NAV2: variants seen among roughly 807,000 people sequenced by gnomAD.
NAV2 encodes the protein neuron navigator 2.
Under a neutral mutation model 223.2 loss-of-function variants are expected in NAV2, and 54 were observed. The observed-to-expected ratio is 0.24, with a 90% CI of 0.19 to 0.30. The LOEUF is 0.30. Among genes scored for constraint, NAV2 ranks in the 10% least tolerant of loss-of-function variants. NAV2 has a pLI of 1.00. For synonymous variants in NAV2, 1,279 were observed against 1,239.3 expected (o/e 1.03, Z -0.67); for missense variants, 2,806 against 3,147.5 (o/e 0.89, Z 2.60).
intron 30 of NAV2, 143 bp downstream of exon 30, chr11:20,095,910 T>G: frequency 1.4e-6 from 1 of 691,866 alleles, no homozygotes; most frequent in Non-Finnish European, 2.6e-6. Context: ...CTGGAACTTG[T>G]TCCCTGGCTC....
chr11:19,957,910 A>G (rs1202636970), intron 10 of NAV2, among the ~76,000 whole-genome samples: 1 of 152,034 alleles, frequency 6.6e-6, no homozygotes, highest in Admixed American at 6.5e-5. Context: ...AGAGAGAGAA[A>G]AAAAAATAAA....
At position 19,550,064 on chromosome 11, in the gene NAV2, C is replaced by G. The variant is rs1001643489; in HGVS notation, c.75+199037C>G. On this transcript the variant is annotated intron_variant, in intron 1 of 37. Coordinates refer to the NAV2 transcript ENST00000360655. ...CATATGTGGAGGTGGATGGGAAATTCAAGTTTTGATTTAGATTGCCCTGGA... is the reference window on the plus strand; with the variant it reads ...CATATGTGGAGGTGGATGGGAAATTGAAGTTTTGATTTAGATTGCCCTGGA... 2.0e-5 allele frequency among the ~76,000 whole-genome samples: 3 copies of G among 152,134 alleles called. 1 individual carries two copies. The highest frequency in any genetic ancestry group is 7.2e-5 in the African/African-American group (3 of 41,420).
intron 1 of NAV2, among the ~76,000 whole-genome samples, chr11:19,657,619 A>G (rs2048164049): frequency 6.6e-6 from 1 of 152,164 alleles, no homozygotes; most frequent in South Asian, 2.1e-4. Context: ...TGAGGAACAC[A>G]TGGGTTAGTG....
chr11:19,661,090 A>G (rs1590052255), intron 1 of NAV2, among the ~76,000 whole-genome samples: 1 of 152,108 alleles, frequency 6.6e-6, no homozygotes, highest in Non-Finnish European at 1.5e-5. Flanking sequence ...TGAAATAATA[A>G]CCATCTACCC....
rs143070569 is a variant in NAV2, at chr11:19,870,760, A to T, written c.511+1763A>T. ...TTTATAGATGAAGAAACTTTGGTTT[A>T]AAGAGGTTATGAGCGGCATCCCTGA... On this transcript the variant is annotated intron_variant, in intron 4 of 37. Coordinates refer to ENST00000349880, the MANE Select transcript of NAV2 (RefSeq NM_145117.5). Among the ~76,000 whole-genome samples, 56 of 152,326 alleles carry T rather than the reference A, an allele frequency of 3.7e-4. No homozygotes were observed. The East Asian group carries it at 9.2e-3, about 25-fold the overall frequency.
At chr11:19,515,234 G>A (rs16936847) in intron 1 of NAV2, among the ~76,000 whole-genome samples, 23,488 of 152,178 alleles carry the variant, frequency 0.15, 1,963 homozygotes, top group Admixed American at 0.2. Flanking sequence ...GTACACAGGA[G>A]TAAATGAAAG....
intron 1 of NAV2, among the ~76,000 whole-genome samples, chr11:19,827,776 T>C (rs796674885): frequency 6.7e-6 from 1 of 150,040 alleles, no homozygotes; most frequent in African/African-American, 2.5e-5. Context: ...AGCATAATAC[T>C]GAATGACAGC....
intron 6 of NAV2, among the ~76,000 whole-genome samples, chr11:19,915,649 C>T (rs1037435578): frequency 6.6e-6 from 1 of 152,200 alleles, no homozygotes; most frequent in Non-Finnish European, 1.5e-5. Context: ...CTCTAGAAAT[C>T]TTTCCCTGAC....
In NAV2 at chr11:19,946,517, C is replaced by T. The variant is rs562521533; in HGVS notation, c.2255+8C>T. The stretch of plus-strand genomic sequence containing the variant: ...AACTCAGGTTACACACAGGTATCTG[C>T]AGTGTGAATTACTTTACTGAACTAC... On this transcript the variant is annotated splice_region_variant and intron_variant, in intron 9 of 37. Coordinates refer to ENST00000349880, the MANE Select transcript of NAV2 (RefSeq NM_145117.5). 4.4e-6 allele frequency: 7 copies of T among 1,606,268 alleles called. No homozygotes were observed. In the South Asian group the frequency reaches 7.8e-5, roughly 18 times the overall value.
At chr11:19,975,274 G>T (rs1270448957) in intron 10 of NAV2, among the ~76,000 whole-genome samples, 1 of 152,190 alleles carries the variant, frequency 6.6e-6, no homozygotes, top group Non-Finnish European at 1.5e-5. Flanking sequence ...AGTGTGCCCT[G>T]CCTGCGTCCA....
At chr11:19,556,933 T>C (rs2044914368) in intron 1 of NAV2, among the ~76,000 whole-genome samples, 1 of 152,238 alleles carries the variant, frequency 6.6e-6, no homozygotes, top group African/African-American at 2.4e-5. Flanking sequence ...TTCTTACTAG[T>C]CTTCTAGGGG....
At chr11:19,381,876 C>T (rs897862724) in intron 1 of NAV2, among the ~76,000 whole-genome samples, 1 of 152,112 alleles carries the variant, frequency 6.6e-6, no homozygotes, top group Non-Finnish European at 1.5e-5. Context: ...TTAGAGGGGC[C>T]GTTTCTGGGT....
chr11:19,509,183 A>G (rs1190725556), intron 1 of NAV2, among the ~76,000 whole-genome samples: 1 of 152,170 alleles, frequency 6.6e-6, no homozygotes, highest in African/African-American at 2.4e-5. Flanking sequence ...GGGGTTGGGG[A>G]TGAGTGAGCG....
intron 1 of NAV2, among the ~76,000 whole-genome samples, chr11:19,679,258 C>T (rs879708205): frequency 1.4e-4 from 21 of 152,140 alleles, no homozygotes; most frequent in Admixed American, 1.3e-4. Flanking sequence ...TGGTGAAACC[C>T]TATCTCTACT....
Position 20,114,378 on chromosome 11 carries a change from T to G in NAV2, c.6961-214T>G, listed in dbSNP as rs1319978529. ...CCTAGATCAGCCTGACTCCAAAGCC[T>G]GTATTCTAGACCACTGGGTCATGCT... On this transcript the variant is annotated intron_variant, in intron 36 of 37. Coordinates refer to ENST00000349880, the MANE Select transcript of NAV2 (RefSeq NM_145117.5). The G allele has an allele frequency of 6.8e-6, 4 of 589,360 alleles. No individual in the cohort carries two copies. In the East Asian group the frequency reaches 1.1e-4, roughly 17 times the overall value. The allele number at this position is 589,360 out of a possible 1,614,324, so 36.5% of individuals were successfully genotyped here.
intron 1 of NAV2, chr11:19,777,405 C>T (rs1344283846): frequency 1.9e-5 from 8 of 410,424 alleles, no homozygotes; most frequent in Admixed American, 1.6e-4. Context: ...GGTGCTTCGG[C>T]TTTTTTTTTT....
At chr11:19,797,642 T>C (rs2093250259) in intron 1 of NAV2, among the ~76,000 whole-genome samples, 1 of 152,176 alleles carries the variant, frequency 6.6e-6, no homozygotes, top group African/African-American at 2.4e-5. Context: ...GACAATGAGA[T>C]ATGGCAGCTC....
intron 1 of NAV2, among the ~76,000 whole-genome samples, chr11:19,830,025 G>T (rs775001534): frequency 1.6e-4 from 24 of 152,138 alleles, no homozygotes; most frequent in African/African-American, 5.3e-4. Context: ...AGGAATTAGA[G>T]ACCAGCCTGG....
At chr11:19,959,301 C>A (rs1186274152) in intron 10 of NAV2, among the ~76,000 whole-genome samples, 1 of 152,186 alleles carries the variant, frequency 6.6e-6, no homozygotes, top group Non-Finnish European at 1.5e-5. Context: ...CGGAGGAACT[C>A]AGGGCGCAGA....
Sources: allele counts gnomAD v4.1 joint callset (sites outside exome capture counted in the v4.1 genomes callset), GRCh38; gene constraint gnomAD v4.1.1; transcripts MANE v1.5; gene names NCBI Gene and HGNC (gene_info 2026-07-23, HGNC 2026-07-21).